Variants in SHANK2 observed in about 807,000 individuals in gnomAD.
SHANK2 encodes the protein SH3 and multiple ankyrin repeat domains protein 2.
Under a neutral mutation model 133.7 loss-of-function variants are expected in SHANK2, and 43 were observed. The observed-to-expected ratio is 0.32, with a 90% CI of 0.25 to 0.41. The LOEUF (loss-of-function observed/expected upper bound fraction) is 0.41, where lower values mean the gene tolerates loss of function less well. Among genes scored for constraint, SHANK2 ranks in the 10% least tolerant of loss-of-function variants. SHANK2 has a pLI of 1.00. For missense variants in SHANK2, 1,994 were observed against 2,235.8 expected (o/e 0.89, Z 2.18); for synonymous variants, 1,017 against 952.8 (o/e 1.07, Z -1.24).
intron 8 of SHANK2, among the ~76,000 whole-genome samples, chr11:71,090,171 C>CGTGT (rs1951481977): frequency 2.0e-4 from 10 of 50,968 alleles, no homozygotes; most frequent in Admixed American, 7.3e-4. Context: ...AGAAACACAA[C>CGTGT]CTGTGTGTGT....
chr11:70,484,854 A>G (rs1259387416), intron 25 of SHANK2, among the ~76,000 whole-genome samples: 1 of 152,160 alleles, frequency 6.6e-6, no homozygotes, highest in Admixed American at 6.5e-5. Context: ...GGGGAAGAAG[A>G]ACCCACACGT....
At chr11:71,240,071 G>T (rs1404502882) in intron 1 of SHANK2, among the ~76,000 whole-genome samples, 1 of 152,158 alleles carries the variant, frequency 6.6e-6, no homozygotes, top group Non-Finnish European at 1.5e-5. Context: ...TAAGAACCTC[G>T]TTCTTCGGGA....
rs922360117 is a variant in SHANK2 at position 71,079,821 on chromosome 11, A to C, written c.913-4546T>G. Among the ~76,000 whole-genome samples, 115 of 119,666 alleles carry C rather than the reference A, an allele frequency of 9.6e-4. 1 individual carries two copies. Among genetic ancestry groups the C allele is most frequent in the African/African-American group, 3.5e-3 (113 of 32,634 alleles). The allele number at this position is 119,666 out of a possible 152,430, so 78.5% of individuals were successfully genotyped here. On this transcript the variant is annotated intron_variant, in intron 8 of 25. Coordinates refer to ENST00000601538, the MANE Select transcript of SHANK2 (RefSeq NM_012309.5). ...AGAGAGAGAGAGAAAGAAAAAGAGA[A>C]AGGGAAAGGGAAAGGGAGGGGAAGG...
chr11:70,475,214 G>C (rs181976185), intron 25 of SHANK2: 2 of 152,352 alleles, frequency 1.3e-5, no homozygotes, highest in South Asian at 2.1e-4. Context: ...CTGGGACACT[G>C]GTGGGCCGTG....
At chr11:70,652,781 G>A (rs1451082210) in intron 17 of SHANK2, among the ~76,000 whole-genome samples, 5 of 152,150 alleles carry the variant, frequency 3.3e-5, no homozygotes, top group African/African-American at 1.2e-4. Context: ...ATGCACTCCA[G>A]CCTGGGCAAC....
chr11:70,579,402 G>A (rs2060156221), intron 17 of SHANK2, among the ~76,000 whole-genome samples: 1 of 152,250 alleles, frequency 6.6e-6, no homozygotes, highest in Admixed American at 6.5e-5. Context: ...GCTGCAGCTG[G>A]CACTACATCC....
intron 11 of SHANK2, among the ~76,000 whole-genome samples, chr11:70,845,250 C>A (rs1281500285): frequency 4.1e-5 from 6 of 145,526 alleles, no homozygotes; most frequent in Admixed American, 2.0e-4. Context: ...AAAAGAAAAT[C>A]TTTTTCTAAA....
At chr11:71,166,838 G>A (rs1235739098) in intron 2 of SHANK2, among the ~76,000 whole-genome samples, 2 of 148,706 alleles carry the variant, frequency 1.3e-5, no homozygotes, top group Non-Finnish European at 3.0e-5. Flanking sequence ...TCTCGCAGAG[G>A]GGGATTTGGC....
chr11:70,491,879 A>G (rs1348523384), intron 22 of SHANK2, among the ~76,000 whole-genome samples: 1 of 152,130 alleles, frequency 6.6e-6, no homozygotes, highest in Non-Finnish European at 1.5e-5. Flanking sequence ...GAAGCCCTTC[A>G]TGGCACTTCT....
At chr11:70,633,302 T>C (rs782724967) in intron 17 of SHANK2, among the ~76,000 whole-genome samples, 2 of 150,238 alleles carry the variant, frequency 1.3e-5, no homozygotes, top group Non-Finnish European at 3.0e-5. Context: ...CTGAGTTGAA[T>C]ATACAAAAAT....
At chr11:70,593,227 A>G (rs527918776) in intron 17 of SHANK2, among the ~76,000 whole-genome samples, 2 of 152,346 alleles carry the variant, frequency 1.3e-5, no homozygotes, top group African/African-American at 4.8e-5. Flanking sequence ...ATTTCTCAGC[A>G]GTCTCCACGC....
At chr11:71,205,314 T>A (rs1555117826) in intron 2 of SHANK2, among the ~76,000 whole-genome samples, 1 of 152,206 alleles carries the variant, frequency 6.6e-6, no homozygotes, top group South Asian at 2.1e-4. Context: ...CTGGTGGTCA[T>A]GCCTCTCTCT....
At chr11:71,201,405 G>A (rs557434789) in intron 2 of SHANK2, among the ~76,000 whole-genome samples, 3 of 152,336 alleles carry the variant, frequency 2.0e-5, no homozygotes, top group Non-Finnish European at 2.9e-5. Context: ...AGATTGCGCC[G>A]AGCTGGCGTG....
At chr11:71,094,848 G>A (rs555875361) in intron 6 of SHANK2, among the ~76,000 whole-genome samples, 160 bp from the exon 7 acceptor site, 9 of 152,342 alleles carry the variant, frequency 5.9e-5, no homozygotes, top group South Asian at 2.1e-4. Context: ...GAGTCCAGGC[G>A]GGCAGCGTGG....
At chr11:70,727,573 A>G (rs1946202173) in intron 14 of SHANK2, among the ~76,000 whole-genome samples, 1 of 152,216 alleles carries the variant, frequency 6.6e-6, no homozygotes, top group Non-Finnish European at 1.5e-5. Flanking sequence ...TTTGTAGCTT[A>G]CGCTCTAAGC....
At chr11:70,834,773 G>A (rs987829321) in intron 11 of SHANK2, among the ~76,000 whole-genome samples, 34 of 152,304 alleles carry the variant, frequency 2.2e-4, no homozygotes, top group East Asian at 1.5e-3. Context: ...TAACGTTCCC[G>A]TCACTGGAGT....
At chr11:70,662,579 A>G (rs1169724913) in intron 15 of SHANK2, among the ~76,000 whole-genome samples, 1 of 152,202 alleles carries the variant, frequency 6.6e-6, no homozygotes, top group Non-Finnish European at 1.5e-5. Context: ...TGAGGACACC[A>G]GCCCCCTCTG....
rs564761196 is a variant in SHANK2 at position 70,619,466 on chromosome 11, A to G, written c.2061+40362T>C. On this transcript the variant is annotated intron_variant, in intron 17 of 25. Transcript: ENST00000601538. ...TCAAATCTACCTCTGCCTCCCCCTT[A>G]TAAGGACGCCTGTGGTCACACTCAG... Among the ~76,000 whole-genome samples the G allele has an allele frequency of 3.9e-5, 6 of 152,174 alleles. 1 individual carries two copies. In the South Asian group the frequency reaches 8.3e-4, roughly 21 times the overall value.
At chr11:70,776,325 G>A (rs1320987631) in intron 14 of SHANK2, among the ~76,000 whole-genome samples, 1 of 152,214 alleles carries the variant, frequency 6.6e-6, no homozygotes, top group Non-Finnish European at 1.5e-5. Flanking sequence ...CACAGGGGTA[G>A]GGCTGAGGCC....
Sources: allele counts gnomAD v4.1 joint callset (sites outside exome capture counted in the v4.1 genomes callset), GRCh38; gene constraint gnomAD v4.1.1; transcripts MANE v1.5; gene names NCBI Gene and HGNC (gene_info 2026-07-23, HGNC 2026-07-21).